The following HSD17B11 variants were observed in gnomAD, a reference collection of about 807,000 sequenced individuals.
HSD17B11 encodes the protein hydroxysteroid 17-beta dehydrogenase 11, also known as estradiol 17-beta-dehydrogenase 11.
Under a neutral mutation model 27.8 loss-of-function variants are expected in HSD17B11, and 22 were observed. The observed-to-expected ratio is 0.79, with a 90% CI of 0.56 to 1.13. The LOEUF is 1.13. Among genes scored for constraint, HSD17B11 ranks in the 50% most tolerant of loss-of-function variants. The pLI is 0.00. For missense variants in HSD17B11, 314 were observed against 351.1 expected (o/e 0.89, Z 0.84); for synonymous variants, 117 against 132.8 (o/e 0.88, Z 0.82).
At chr4:87,380,999 A>G (rs1345050023) in intron 2 of HSD17B11, among the ~76,000 whole-genome samples, 1 of 151,602 alleles carries the variant, frequency 6.6e-6, no homozygotes, top group Non-Finnish European at 1.5e-5. Flanking sequence ...CACCCTGGCC[A>G]ACATAGTGAA....
chr4:87,390,746 A>G (rs1261769049), intron 1 of HSD17B11, 115 bp downstream of exon 1: 4 of 823,160 alleles, frequency 4.9e-6, no homozygotes, highest in East Asian at 2.5e-5. Context: ...TGGCAATACT[A>G]ATTTTTTTTT....
At chr4:87,381,062 G>A (rs1029766811) in intron 2 of HSD17B11, among the ~76,000 whole-genome samples, 7 of 149,948 alleles carry the variant, frequency 4.7e-5, no homozygotes, top group Admixed American at 1.3e-4. Context: ...GTGCGTGCCT[G>A]TAATCACAGC....
intron 4 of HSD17B11, among the ~76,000 whole-genome samples, chr4:87,364,486 G>T (rs1301137248): frequency 6.6e-6 from 1 of 152,074 alleles, no homozygotes; most frequent in East Asian, 1.9e-4. Context: ...GTACTTTAAG[G>T]GGTGGCTAAT....
intron 2 of HSD17B11, among the ~76,000 whole-genome samples, chr4:87,375,710 C>T (rs776247571): frequency 1.1e-4 from 17 of 152,270 alleles, no homozygotes; most frequent in Non-Finnish European, 1.9e-4. Flanking sequence ...CATCGCACTC[C>T]GGCCTGGGCA....
chr4:87,347,189 A>C (rs7689292), intron 5 of HSD17B11, among the ~76,000 whole-genome samples: 21,626 of 45,394 alleles, frequency 0.48, 6,278 homozygotes, highest in African/African-American at 0.62. Flanking sequence ...TTAGTTACAT[A>C]TGTATACATG....
chr4:87,373,519 G>A (rs772317886), intron 3 of HSD17B11, among the ~76,000 whole-genome samples: 1 of 152,150 alleles, frequency 6.6e-6, no homozygotes, highest in South Asian at 2.1e-4. Context: ...AGATCAGCCT[G>A]TGCAACATGG....
At chr4:87,376,713 C>T (rs373707082) in intron 2 of HSD17B11, among the ~76,000 whole-genome samples, 4 of 152,098 alleles carry the variant, frequency 2.6e-5, no homozygotes, top group African/African-American at 9.6e-5. Flanking sequence ...TATGTAAACC[C>T]TTATGGCCAG....
In HSD17B11 at chr4:87,337,082, C is replaced by T; in HGVS notation, c.*194G>A. 1 of 539,338 alleles carries T rather than the reference C, an allele frequency of 1.9e-6. No homozygotes were observed. 33.4% of individuals were successfully genotyped at this position (539,338 alleles called of 1,614,324 possible). A position where few individuals can be genotyped will look rare whatever the true frequency, so the allele number is the denominator to read the frequency against. On this transcript the variant is annotated 3_prime_UTR_variant, in exon 7 of 7. Transcript: ENST00000358290. ...CTTAAAGTCACCTCTAAAGGTATTT[C>T]TCTGTTTATATCATATGTAATCAGC... is the stretch of plus-strand genomic sequence containing the variant.
intron 4 of HSD17B11, among the ~76,000 whole-genome samples, chr4:87,358,067 T>C (rs1735425370): frequency 7.0e-6 from 1 of 143,382 alleles, no homozygotes; most frequent in Non-Finnish European, 1.5e-5. Flanking sequence ...GTTCCCGCCA[T>C]TCTCCTGCCT....
intron 4 of HSD17B11, among the ~76,000 whole-genome samples, chr4:87,366,764 A>C (rs1735620107): frequency 6.6e-6 from 1 of 152,170 alleles, no homozygotes; most frequent in Non-Finnish European, 1.5e-5. Flanking sequence ...CAACTATAGA[A>C]TTCTAGCAGA....
intron 1 of HSD17B11, among the ~76,000 whole-genome samples, chr4:87,387,666 G>A (rs1476835499): frequency 1.3e-5 from 2 of 152,008 alleles, no homozygotes; most frequent in Non-Finnish European, 2.9e-5. Flanking sequence ...GCCAAATAAG[G>A]ACACTCAAAA....
chr4:87,339,256 A>G (rs1480840602), intron 6 of HSD17B11, among the ~76,000 whole-genome samples: 1 of 152,242 alleles, frequency 6.6e-6, no homozygotes, highest in Non-Finnish European at 1.5e-5. Context: ...CTCACCAAAG[A>G]GATCCCTGAG....
Position 87,337,224 on chromosome 4 carries a change from T to C in HSD17B11, c.*52A>G, listed in dbSNP as rs1459966026. The stretch of plus-strand genomic sequence containing the variant: ...TTCAAACATTAAAATTCTGGCACTA[T>C]TAGATGACATCAACCTAAACCTGGT... On this transcript the variant is annotated 3_prime_UTR_variant, in exon 7 of 7. Coordinates refer to ENST00000358290, the MANE Select transcript of HSD17B11 (RefSeq NM_016245.5). 2 of 1,057,346 alleles carry C rather than the reference T, an allele frequency of 1.9e-6. No individual in the cohort carries two copies. Among genetic ancestry groups the C allele is most frequent in the African/African-American group, 1.6e-5 (1 of 63,692 alleles). 65.5% of individuals were successfully genotyped at this position (1,057,346 alleles called of 1,614,324 possible). A position where few individuals can be genotyped will look rare whatever the true frequency, so the allele number is the denominator to read the frequency against.
chr4:87,366,387 A>G (rs1165299812), intron 4 of HSD17B11, among the ~76,000 whole-genome samples: 1 of 152,190 alleles, frequency 6.6e-6, no homozygotes, highest in Non-Finnish European at 1.5e-5. Flanking sequence ...ATATGTCTCT[A>G]AGGTTTTATT....
intron 1 of HSD17B11, among the ~76,000 whole-genome samples, chr4:87,387,744 G>C (rs1720357265): frequency 6.6e-6 from 1 of 152,068 alleles, no homozygotes; most frequent in African/African-American, 2.4e-5. Context: ...CCCACAAAAA[G>C]TAGGAAGGAT....
intron 4 of HSD17B11, among the ~76,000 whole-genome samples, chr4:87,362,196 G>A (rs943561685): frequency 3.3e-4 from 51 of 152,350 alleles, no homozygotes; most frequent in African/African-American, 1.1e-3. Context: ...TCAAGTTAGA[G>A]GCCTGACTTA....
At chr4:87,370,254 G>A (rs1196046807) in intron 4 of HSD17B11, among the ~76,000 whole-genome samples, 2 of 152,082 alleles carry the variant, frequency 1.3e-5, no homozygotes, top group African/African-American at 2.4e-5. Flanking sequence ...ATTAGAGGTG[G>A]GAACTCCCTG....
chr4:87,376,950 T>TCATGCAATA (rs1466097423), intron 2 of HSD17B11, among the ~76,000 whole-genome samples: 2 of 151,488 alleles, frequency 1.3e-5, no homozygotes, highest in South Asian at 2.1e-4. Context: ...ATTGACATGG[T>TCATGCAATA]GAAACTGCAT....
rs534542063 is a variant in HSD17B11, at chr4:87,340,271, T to C, written c.812+219A>G. On this transcript the variant is annotated intron_variant, in intron 6 of 6. Coordinates refer to ENST00000358290, the MANE Select transcript of HSD17B11 (RefSeq NM_016245.5). The stretch of plus-strand genomic sequence containing the variant: ...ACAAGACTTGCAGAAATATACAAAT[T>C]TCTTTCTTTACAAAAAGTAAAAATG... 1.0e-5 allele frequency: 3 copies of C among 287,776 alleles called. No homozygotes were observed. The East Asian group carries it at 2.1e-4, about 20-fold the overall frequency. The allele number at this position is 287,776 out of a possible 1,614,324, so 17.8% of individuals were successfully genotyped here.
Sources: allele counts gnomAD v4.1 joint callset (sites outside exome capture counted in the v4.1 genomes callset), GRCh38; gene constraint gnomAD v4.1.1; transcripts MANE v1.5; gene names NCBI Gene and HGNC (gene_info 2026-07-23, HGNC 2026-07-21).